The following AK8 variants were observed in gnomAD, a reference collection of about 807,000 sequenced individuals.
AK8 encodes the protein adenylate kinase 8, also known as ATP-AMP transphosphorylase 8.
In AK8, 44 loss-of-function variants were observed where a neutral mutation model predicts 54.6. The ratio of observed to expected loss-of-function variants is 0.81; its 90% confidence interval spans 0.63 to 1.04. The LOEUF (loss-of-function observed/expected upper bound fraction) is 1.04. AK8 is among the 50% of genes least tolerant of loss of function. AK8 has a pLI of 0.00. For synonymous variants in AK8, 239 were observed against 245.6 expected (o/e 0.97, Z 0.25); for missense variants, 555 against 613.6 (o/e 0.90, Z 1.01).
rs1178405528 is a variant in AK8 at position 132,803,467 on chromosome 9, CAACTCCATTCTTGATA to C, written c.980-10708_980-10693del. Among the ~76,000 whole-genome samples, 1 of 152,166 alleles carries C rather than the reference CAACTCCATTCTTGATA, an allele frequency of 6.6e-6. No homozygotes were observed. The highest frequency in any genetic ancestry group is 1.5e-5 in the Non-Finnish European group (1 of 68,032). Reference sequence around the variant, plus strand: ...ACTACCACTAAGATGATGACGATGGCAACTCCATTCTTGATAATAATCATGGTGAGTAATCAGTGAT... The same window carrying C: ...ACTACCACTAAGATGATGACGATGGCATAATCATGGTGAGTAATCAGTGAT... On this transcript the variant is annotated intron_variant, in intron 10 of 12. Transcript: ENST00000298545. This position sits in a 1 kb window ranked among gnomAD's most constrained non-coding sequence, Gnocchi z 4.4.
intron 10 of AK8, among the ~76,000 whole-genome samples, chr9:132,811,630 A>T (rs962558228): frequency 8.1e-4 from 123 of 152,376 alleles, no homozygotes; most frequent in African/African-American, 3.0e-3. Flanking sequence ...GTAACAGAAG[A>T]CAAATACACT....
chr9:132,779,625 G>C (rs1485918413), intron 11 of AK8, among the ~76,000 whole-genome samples: 2 of 152,258 alleles, frequency 1.3e-5, no homozygotes, highest in Non-Finnish European at 2.9e-5. Flanking sequence ...TATCCGTACA[G>C]CTCTTTCAAG....
At chr9:132,847,451 G>T (rs1842794357) in intron 5 of AK8, among the ~76,000 whole-genome samples, 1 of 152,158 alleles carries the variant, frequency 6.6e-6, no homozygotes. Flanking sequence ...TAGAACGAAT[G>T]CTCATCACAC....
rs951262218 is a variant in AK8 at position 132,754,997 on chromosome 9, C to T, written c.1122-27463G>A. 7.2e-5 allele frequency among the ~76,000 whole-genome samples: 11 copies of T among 152,070 alleles called. 1 individual carries two copies. Among genetic ancestry groups the T allele is most frequent in the Admixed American group, 6.5e-4 (10 of 15,274 alleles). ...TATTTTTAGTAGAGATGGGGTTTCA[C>T]CATGTTGGCCAGGCTGGTCTCGAAC... is the stretch of plus-strand genomic sequence containing the variant. On this transcript the variant is annotated intron_variant, in intron 11 of 12. Coordinates refer to ENST00000298545, the MANE Select transcript of AK8 (RefSeq NM_152572.3).
At chr9:132,741,060 T>C (rs1317374198) in intron 11 of AK8, among the ~76,000 whole-genome samples, 1 of 152,138 alleles carries the variant, frequency 6.6e-6, no homozygotes, top group Admixed American at 6.5e-5. Context: ...GGAGTGCCTT[T>C]TCCCCCCATT....
intron 9 of AK8, among the ~76,000 whole-genome samples, chr9:132,820,114 C>T (rs1222213716): frequency 8.1e-6 from 1 of 123,372 alleles, no homozygotes; most frequent in Non-Finnish European, 1.6e-5. Flanking sequence ...TGCACCACTG[C>T]ATTCCAGCCT....
At chr9:132,831,358 C>T (rs1842093698) in intron 5 of AK8, among the ~76,000 whole-genome samples, 1 of 152,070 alleles carries the variant, frequency 6.6e-6, no homozygotes, top group African/African-American at 2.4e-5. Context: ...GTCTCATGTG[C>T]TTAAGTTGTT....
At chr9:132,830,538 T>G (rs1240720248) in intron 5 of AK8, among the ~76,000 whole-genome samples, 1 of 152,242 alleles carries the variant, frequency 6.6e-6, no homozygotes, top group African/African-American at 2.4e-5. Context: ...TCCATATGTT[T>G]GTTAGCTATT....
At chr9:132,749,091 C>T (rs1190397000) in intron 11 of AK8, among the ~76,000 whole-genome samples, 3 of 151,930 alleles carry the variant, frequency 2.0e-5, no homozygotes. Context: ...CCAGGCTGGT[C>T]TCGAACTCCT....
At chr9:132,796,003 G>A (rs1464377637) in intron 10 of AK8, among the ~76,000 whole-genome samples, 2 of 152,204 alleles carry the variant, frequency 1.3e-5, no homozygotes, top group African/African-American at 2.4e-5. Context: ...CAGCTGCACT[G>A]TAGGTGGTCT....
Position 132,826,724 on chromosome 9 carries a change from C to G in AK8, c.757+130G>C. On this transcript the variant is annotated intron_variant, in intron 8 of 12. Coordinates refer to ENST00000298545, the MANE Select transcript of AK8 (RefSeq NM_152572.3). This position sits in a 1 kb window ranked among gnomAD's most constrained non-coding sequence, Gnocchi z 4.5. ...GGCAGGGAACCCGGGTCATCTATGT[C>G]TTGACTTCCAGGGTCCCAGGCATGT... 9.1e-7 allele frequency: 1 copy of G among 1,101,730 alleles called. No individual in the cohort carries two copies. Among genetic ancestry groups the G allele is most frequent in the Non-Finnish European group, 1.3e-6 (1 of 766,630 alleles). 68.2% of individuals were successfully genotyped at this position (1,101,730 alleles called of 1,614,324 possible). A position where few individuals can be genotyped will look rare whatever the true frequency, so the allele number is the denominator to read the frequency against.
chr9:132,871,600 AC>A (rs929105457), intron 2 of AK8, among the ~76,000 whole-genome samples: 1 of 151,728 alleles, frequency 6.6e-6, no homozygotes, highest in Admixed American at 6.6e-5. Flanking sequence ...AGGAGGACAG[AC>A]CCCCCCGGCT....
At chr9:132,758,503 G>A (rs1340771420) in intron 11 of AK8, among the ~76,000 whole-genome samples, 1 of 152,120 alleles carries the variant, frequency 6.6e-6, no homozygotes, top group Non-Finnish European at 1.5e-5. Flanking sequence ...AGGCTGGAGT[G>A]CAATGGTGCG....
intron 10 of AK8, among the ~76,000 whole-genome samples, chr9:132,800,470 AG>A (rs1840392055): frequency 7.2e-5 from 11 of 152,184 alleles, no homozygotes; most frequent in Admixed American, 1.3e-4. Context: ...AGGGAGGGTA[AG>A]GCCACTGGAT....
intron 5 of AK8, among the ~76,000 whole-genome samples, chr9:132,840,037 C>G (rs576634986): frequency 6.6e-6 from 1 of 152,174 alleles, no homozygotes; most frequent in South Asian, 2.1e-4. Flanking sequence ...AGGCTGTTCT[C>G]GAACTCCTGA....
chr9:132,749,551 G>A lies in AK8; in HGVS notation c.1122-22017C>T, dbSNP rs1837807384. 3.3e-5 allele frequency among the ~76,000 whole-genome samples: 5 copies of A among 151,924 alleles called. 2 individuals are homozygous for A. Among genetic ancestry groups the A allele is most frequent in the Admixed American group, 3.3e-4 (5 of 15,214 alleles). ...GTGTAACTGTCACCCCCATCTTATGGATGAGGCAGCTTGCCCCGATATCGG... is the reference window on the plus strand; with the variant it reads ...GTGTAACTGTCACCCCCATCTTATGAATGAGGCAGCTTGCCCCGATATCGG... On this transcript the variant is annotated intron_variant, in intron 11 of 12. Coordinates refer to ENST00000298545, the MANE Select transcript of AK8 (RefSeq NM_152572.3).
chr9:132,793,510 G>A (rs1244463627), intron 10 of AK8, among the ~76,000 whole-genome samples: 1 of 152,164 alleles, frequency 6.6e-6, no homozygotes, highest in Non-Finnish European at 1.5e-5. Flanking sequence ...TCTGTGATGC[G>A]CTAGCAACGC....
intron 2 of AK8, among the ~76,000 whole-genome samples, chr9:132,871,231 G>A: frequency 6.6e-6 from 1 of 151,996 alleles, no homozygotes; most frequent in African/African-American, 2.4e-5. Context: ...AGGCGACAGA[G>A]CCAGACTCCA....
At chr9:132,851,301 C>T (rs571002212) in intron 5 of AK8, among the ~76,000 whole-genome samples, 128 of 152,340 alleles carry the variant, frequency 8.4e-4, no homozygotes, top group Admixed American at 2.0e-3. Flanking sequence ...AAGAGGGGAC[C>T]CTTCTCCAGT....
Sources: allele counts gnomAD v4.1 joint callset (sites outside exome capture counted in the v4.1 genomes callset), GRCh38; gene constraint gnomAD v4.1.1; non-coding constraint Gnocchi (gnomAD v3.1); transcripts MANE v1.5; gene names NCBI Gene and HGNC (gene_info 2026-07-23, HGNC 2026-07-21).